Variants in THBS4 observed in about 807,000 individuals in gnomAD.
The protein encoded by THBS4 is thrombospondin 4.
THBS4 carries 90 observed loss-of-function variants against 115.7 expected under a neutral mutation model. That is an observed-to-expected ratio of 0.78 (90% CI 0.66 to 0.93). THBS4 has a LOEUF of 0.93. Ranked by LOEUF, THBS4 falls within the 40% of genes least tolerant of loss-of-function variation. THBS4 has a pLI of 0.00. For missense variants in THBS4, 1,087 were observed against 1,232.7 expected, an observed-to-expected ratio of 0.88 and a Z score of 1.77; for synonymous variants, 460 against 479.3, an observed-to-expected ratio of 0.96 and a Z score of 0.53.
intron 2 of THBS4, among the ~76,000 whole-genome samples, chr5:80,005,318 C>A (rs1224131093): frequency 6.6e-6 from 1 of 152,142 alleles, no homozygotes; most frequent in African/African-American, 2.4e-5. Flanking sequence ...ATGGATTTCT[C>A]AAGGTTTAGC....
intron 2 of THBS4, among the ~76,000 whole-genome samples, chr5:80,017,359 T>A (rs918215248): frequency 6.6e-6 from 1 of 152,092 alleles, no homozygotes; most frequent in Admixed American, 6.5e-5. Context: ...CCCAACAAAA[T>A]GTGTGTTTTT....
intron 2 of THBS4, among the ~76,000 whole-genome samples, chr5:80,046,865 C>T (rs958890720): frequency 4.6e-5 from 7 of 152,076 alleles, no homozygotes; most frequent in African/African-American, 7.2e-5. Context: ...AGCATTTTAT[C>T]GTGTTTGCAA....
At chr5:80,012,135 A>T (rs1832139864) in intron 2 of THBS4, among the ~76,000 whole-genome samples, 2 of 151,894 alleles carry the variant, frequency 1.3e-5, no homozygotes, top group African/African-American at 4.8e-5. Context: ...AAAAATTAAT[A>T]AATAAATAAA....
At chr5:80,032,826 C>T (rs1832611096), upstream of THBS4, among the ~76,000 whole-genome samples, 1 of 152,182 alleles carries the variant, frequency 6.6e-6, no homozygotes, top group Non-Finnish European at 1.5e-5. Flanking sequence ...AGTCCACTGA[C>T]TCAGGTGTTA....
intron 1 of THBS4, among the ~76,000 whole-genome samples, chr5:79,997,165 C>T (rs1345889036): frequency 1.3e-5 from 2 of 151,602 alleles, no homozygotes; most frequent in Admixed American, 1.3e-4. Flanking sequence ...AACAAAATGG[C>T]AGGCTTAAAT....
intron 13 of THBS4, 52 bp downstream of exon 13, chr5:80,071,232 C>T (rs1580980089): frequency 2.0e-6 from 3 of 1,535,454 alleles, no homozygotes; most frequent in South Asian, 2.6e-5. Flanking sequence ...GACCTTGTTC[C>T]ATTGTTCTCT....
intron 3 of THBS4, 23 bp downstream of exon 3, chr5:80,056,055 C>A: frequency 6.4e-7 from 1 of 1,573,304 alleles, no homozygotes. Context: ...AAACCATTCT[C>A]TGAAGTGGAA....
At chr5:80,039,853 C>T (rs1454501298) in intron 1 of THBS4, among the ~76,000 whole-genome samples, 3 of 152,188 alleles carry the variant, frequency 2.0e-5, no homozygotes, top group Non-Finnish European at 4.4e-5. Flanking sequence ...AGGGCTACAC[C>T]CAGTGATGAA....
intron 2 of THBS4, among the ~76,000 whole-genome samples, chr5:80,009,362 A>G (rs956886938): frequency 2.6e-5 from 4 of 152,262 alleles, no homozygotes; most frequent in Admixed American, 2.6e-4. Flanking sequence ...AAATAATTCA[A>G]CAGGGAATTT....
intron 1 of THBS4, among the ~76,000 whole-genome samples, chr5:79,994,927 T>G (rs972936931): frequency 2.0e-5 from 3 of 152,236 alleles, no homozygotes; most frequent in Admixed American, 1.3e-4. Flanking sequence ...AAAGGCCTAA[T>G]GAAAGAAGAT....
Position 80,042,054 on chromosome 5 carries a change from G to A in THBS4, c.292+1774G>A, listed in dbSNP as rs17879921. Among the ~76,000 whole-genome samples the A allele has an allele frequency of 5.2e-3, 792 of 152,234 alleles. 8 individuals are homozygous for A. The highest frequency in any genetic ancestry group is 0.018 in the African/African-American group (753 of 41,524). On this transcript the variant is annotated intron_variant, in intron 2 of 21. Transcript: ENST00000350881. ...CAACATGCTTCTTGCCTGCTTCCAC[G>A]CTACTCCCAAGTCTGCTTTCTCTGT...
intron 2 of THBS4, among the ~76,000 whole-genome samples, chr5:80,028,289 C>T (rs1363356833): frequency 6.6e-6 from 1 of 152,126 alleles, no homozygotes; most frequent in East Asian, 1.9e-4. Context: ...CAATACTCTG[C>T]CCTTCTTTCA....
At position 80,079,094 on chromosome 5, in the gene THBS4, G is replaced by A. The variant is rs1212034420; in HGVS notation, c.2347G>A (p.Gly783Arg). 2 of 1,613,834 alleles carry A rather than the reference G, an allele frequency of 1.2e-6. No individual in the cohort carries two copies. The highest frequency in any genetic ancestry group is 3.3e-5 in the Admixed American group (2 of 60,004). Reference protein sequence around the residue: ...YTAFNGVDFEGTFHVNTQTDD... With the variant: ...YTAFNGVDFERTFHVNTQTDD... ...AGCTTTTAATGGAGTTGACTTCGAA[G>A]GGACCTTCCATGTGAATACCCAGAC... is the stretch of plus-strand genomic sequence containing the variant. Residue 783 changes from glycine to arginine, a missense_variant, in exon 19 of 22, where the codon GGG (glycine) becomes AGG (arginine). Around this residue, in one of 3 missense-constraint regions of THBS4, gnomAD observed 979 missense variants for 1,103.7 expected, o/e 0.89. Transcript: ENST00000350881.
chr5:80,044,545 C>T (rs1054200771), intron 2 of THBS4, among the ~76,000 whole-genome samples: 1 of 152,116 alleles, frequency 6.6e-6, no homozygotes, highest in African/African-American at 2.4e-5. Context: ...GCCTCAGCCT[C>T]CCGAGTAGCT....
intron 2 of THBS4, among the ~76,000 whole-genome samples, chr5:80,004,454 A>T (rs548062205): frequency 6.6e-6 from 1 of 152,184 alleles, no homozygotes; most frequent in Non-Finnish European, 1.5e-5. Flanking sequence ...AGACCTTTGC[A>T]GGACACTAGG....
chr5:79,991,731 A>G (rs979440348), intron 1 of THBS4, among the ~76,000 whole-genome samples: 2 of 152,290 alleles, frequency 1.3e-5, no homozygotes, highest in Admixed American at 1.3e-4. Context: ...AAGTTACAGT[A>G]TTTCTGAACG....
chr5:80,074,837 TC>T (rs1156368583), intron 15 of THBS4, among the ~76,000 whole-genome samples: 1 of 152,108 alleles, frequency 6.6e-6, no homozygotes, highest in Non-Finnish European at 1.5e-5. Context: ...GGTCTCGAAC[TC>T]CTGGCCTCAA....
chr5:80,025,834 T>C (rs991404434), intron 2 of THBS4, among the ~76,000 whole-genome samples: 1 of 152,198 alleles, frequency 6.6e-6, no homozygotes, highest in Admixed American at 6.5e-5. Flanking sequence ...GGGTAAACTT[T>C]ATTAGATTTG....
At chr5:80,022,788 A>G (rs1404751349) in intron 2 of THBS4, among the ~76,000 whole-genome samples, 4 of 152,260 alleles carry the variant, frequency 2.6e-5, no homozygotes, top group African/African-American at 9.6e-5. Flanking sequence ...TGACAAGTGC[A>G]GTACATCTCT....
Sources: gnomAD v4.1 joint callset for allele counts (sites outside exome capture counted in the v4.1 genomes callset) on GRCh38, gnomAD v4.1.1 for gene constraint, gnomAD v4.1.1 regional missense constraint, MANE v1.5 for transcripts, NCBI Gene and HGNC (gene_info 2026-07-23, HGNC 2026-07-21) for gene names.